Variants in ZNF407 observed in about 807,000 individuals in gnomAD.
The protein encoded by ZNF407 is zinc finger protein 407.
Under a neutral mutation model 131.2 loss-of-function variants are expected in ZNF407, and 17 were observed. The observed-to-expected ratio is 0.13, with a 90% CI of 0.09 to 0.19. The LOEUF is 0.19. Ranked by LOEUF, ZNF407 falls within the 10% of genes least tolerant of loss-of-function variation. ZNF407 has a pLI of 1.00. For missense variants in ZNF407, 2,681 were observed against 2,830.6 expected, an observed-to-expected ratio of 0.95 and a Z score of 1.20; for synonymous variants, 1,156 against 1,062.0, an observed-to-expected ratio of 1.09 and a Z score of -1.72.
chr18:74,694,060 C>T (rs1305700433), intron 3 of ZNF407, among the ~76,000 whole-genome samples: 1 of 152,046 alleles, frequency 6.6e-6, no homozygotes, highest in Non-Finnish European at 1.5e-5. Context: ...CATTTCGTTG[C>T]TTGTTTGAAT....
At chr18:74,940,140 A>T (rs12455152) in intron 8 of ZNF407, among the ~76,000 whole-genome samples, 2 of 152,164 alleles carry the variant, frequency 1.3e-5, no homozygotes, top group Admixed American at 6.5e-5. Flanking sequence ...GACTTGCTCC[A>T]TGTAGGGATC....
chr18:74,924,337 A>C (rs1488878031), intron 8 of ZNF407, among the ~76,000 whole-genome samples: 1 of 152,028 alleles, frequency 6.6e-6, no homozygotes, highest in Non-Finnish European at 1.5e-5. Context: ...TAAAAAAAAA[A>C]ACACCTTTCT....
At chr18:74,768,923 G>A (rs1434178214) in intron 3 of ZNF407, among the ~76,000 whole-genome samples, 1 of 152,120 alleles carries the variant, frequency 6.6e-6, no homozygotes, top group African/African-American at 2.4e-5. Context: ...CTGTCAGCCA[G>A]TGCAATGCTA....
chr18:74,660,886 C>G (rs1355389678), intron 3 of ZNF407, among the ~76,000 whole-genome samples: 1 of 152,068 alleles, frequency 6.6e-6, no homozygotes, highest in East Asian at 1.9e-4. Flanking sequence ...TCTGGTGGAG[C>G]TGATAATTCT....
chr18:74,742,881 A>G (rs1259825272), intron 3 of ZNF407, among the ~76,000 whole-genome samples: 1 of 152,130 alleles, frequency 6.6e-6, no homozygotes, highest in East Asian at 1.9e-4. Context: ...ATATTCAGTT[A>G]ATGGCTGAAC....
intron 4 of ZNF407, among the ~76,000 whole-genome samples, chr18:74,803,106 G>A (rs1315622295): frequency 1.3e-5 from 2 of 152,064 alleles, no homozygotes; most frequent in African/African-American, 4.8e-5. Context: ...TAAGTCCAGC[G>A]TTACCACCCC....
intron 3 of ZNF407, among the ~76,000 whole-genome samples, chr18:74,700,863 T>G (rs993289820): frequency 6.6e-6 from 1 of 152,204 alleles, no homozygotes; most frequent in Non-Finnish European, 1.5e-5. Context: ...TTGGAGCGTA[T>G]TTATTAGTAT....
intron 3 of ZNF407, among the ~76,000 whole-genome samples, chr18:74,670,343 T>G (rs1986093541): frequency 6.6e-6 from 1 of 152,220 alleles, no homozygotes; most frequent in Non-Finnish European, 1.5e-5. Context: ...TGATTTAATG[T>G]AGCATATAAA....
intron 8 of ZNF407, among the ~76,000 whole-genome samples, chr18:75,022,466 T>C (rs1477452503): frequency 6.6e-6 from 1 of 152,234 alleles, no homozygotes; most frequent in Non-Finnish European, 1.5e-5. Flanking sequence ...GTTTAAATTC[T>C]GGATATTGTT....
intron 8 of ZNF407, among the ~76,000 whole-genome samples, chr18:75,044,855 C>G (rs1020237372): frequency 6.6e-6 from 1 of 151,936 alleles, no homozygotes; most frequent in Non-Finnish European, 1.5e-5. Flanking sequence ...ATATTCTGAC[C>G]AACACTGAAG....
intron 8 of ZNF407, among the ~76,000 whole-genome samples, chr18:74,979,201 A>T (rs980886641): frequency 1.3e-5 from 2 of 152,172 alleles, no homozygotes; most frequent in African/African-American, 4.8e-5. Context: ...ACTTGGTGCA[A>T]TAGCTTCGTG....
At chr18:74,760,965 T>G (rs1037926440) in intron 3 of ZNF407, among the ~76,000 whole-genome samples, 6 of 152,172 alleles carry the variant, frequency 3.9e-5, no homozygotes, top group Non-Finnish European at 7.3e-5. Context: ...TTCTTTTGCT[T>G]TTATGGAGGA....
chr18:75,037,508 CGAT>C (rs1324287511), intron 8 of ZNF407, among the ~76,000 whole-genome samples: 1 of 151,840 alleles, frequency 6.6e-6, no homozygotes, highest in African/African-American at 2.4e-5. Flanking sequence ...GGTCTTGTCT[CGAT>C]GGCGCCAAAA....
intron 4 of ZNF407, among the ~76,000 whole-genome samples, chr18:74,813,323 G>C (rs139750639): frequency 1.0e-3 from 156 of 152,234 alleles, no homozygotes; most frequent in Admixed American, 1.8e-3. Context: ...GTTCTGGGGA[G>C]GTCTTGGGCT....
At chr18:74,789,906 C>T (rs528752188) in intron 4 of ZNF407, among the ~76,000 whole-genome samples, 1 of 148,484 alleles carries the variant, frequency 6.7e-6, no homozygotes, top group South Asian at 2.1e-4. Flanking sequence ...CTCCAATACA[C>T]TCATATAATG....
chr18:75,010,209 A>G lies in ZNF407; in HGVS notation c.5429-52941A>G, dbSNP rs548195574. On this transcript the variant is annotated intron_variant, in intron 8 of 8. Transcript: ENST00000299687. ...GACTTCCCAGAATTCCCAACCACATATTTCCCCCTGTCTACATGAGATTTC... is the reference window on the plus strand; with the variant it reads ...GACTTCCCAGAATTCCCAACCACATGTTTCCCCCTGTCTACATGAGATTTC... Among the ~76,000 whole-genome samples the G allele has an allele frequency of 1.2e-4, 18 of 152,226 alleles. No homozygotes were observed. In the South Asian group the frequency reaches 3.7e-3, roughly 32 times the overall value.
At chr18:75,009,894 T>G (rs1342612540) in intron 8 of ZNF407, among the ~76,000 whole-genome samples, 4 of 152,338 alleles carry the variant, frequency 2.6e-5, no homozygotes, top group Admixed American at 6.5e-5. Context: ...TGCATTTTAT[T>G]ATTTCTAAAA....
rs1027928506 is a variant in ZNF407 at position 75,063,551 on chromosome 18, G to A, written c.5830G>A (p.Val1944Met). Residue 1944 changes from valine to methionine, a missense_variant, in exon 9 of 9, where the codon GTG (valine) becomes ATG (methionine). Transcript: ENST00000299687. The surrounding 1 kb of genome is among the most constrained non-coding windows in gnomAD (Gnocchi z 6.6). ...LADGATQVVV[V>M]GGSMEGHGMD... Reference sequence around the variant, plus strand: ...TGATGGAGCCACCCAGGTGGTCGTCGTGGGGGGCTCCATGGAAGGCCACGG... The same window carrying A: ...TGATGGAGCCACCCAGGTGGTCGTCATGGGGGGCTCCATGGAAGGCCACGG... The A allele has an allele frequency of 6.4e-6, 10 of 1,567,468 alleles. No homozygotes were observed. Among genetic ancestry groups the A allele is most frequent in the South Asian group, 4.7e-5 (4 of 85,630 alleles).
At chr18:74,868,189 A>G (rs1971039624) in intron 4 of ZNF407, among the ~76,000 whole-genome samples, 1 of 152,236 alleles carries the variant, frequency 6.6e-6, no homozygotes, top group Non-Finnish European at 1.5e-5. Context: ...ATGTGTAGGT[A>G]TATAGCTTGA....
Sources: gnomAD v4.1 joint callset for allele counts (sites outside exome capture counted in the v4.1 genomes callset) on GRCh38, gnomAD v4.1.1 for gene constraint, Gnocchi (gnomAD v3.1) non-coding constraint, MANE v1.5 for transcripts, NCBI Gene and HGNC (gene_info 2026-07-23, HGNC 2026-07-21) for gene names.